SLC7A10: variants seen among roughly 807,000 people sequenced by gnomAD.
The protein encoded by SLC7A10 is asc-type amino acid transporter 1.
Under a neutral mutation model 52.7 loss-of-function variants are expected in SLC7A10, and 30 were observed. That is an observed-to-expected ratio of 0.57 (90% confidence interval 0.43 to 0.77). The LOEUF (loss-of-function observed/expected upper bound fraction) is 0.77, where lower values mean the gene tolerates loss of function less well. SLC7A10 is among the 30% of genes least tolerant of loss of function. The pLI is 0.00. For synonymous variants in SLC7A10, 318 were observed against 314.9 expected, an observed-to-expected ratio of 1.01 and a Z score of -0.10; for missense variants, 581 against 698.5, an observed-to-expected ratio of 0.83 and a Z score of 1.90.
In SLC7A10 at chr19:33,215,979, G is replaced by C; in HGVS notation, c.152-6C>G. ...GCCCGAGCCGATGATGTTCCCTGCA[G>C]GGGGAGAGATGGGGAGGCATCAGGC... On this transcript the variant is annotated splice_region_variant and splice_polypyrimidine_tract_variant and intron_variant, in intron 1 of 10. Coordinates refer to ENST00000253188, the MANE Select transcript of SLC7A10 (RefSeq NM_019849.3). 1 of 1,577,470 alleles carries C rather than the reference G, an allele frequency of 6.3e-7. No individual in the cohort carries two copies. Among genetic ancestry groups the C allele is most frequent in the East Asian group, 2.3e-5 (1 of 43,920 alleles).
chr19:33,210,715 G>A lies in SLC7A10; in HGVS notation c.1113+87C>T. ...CCACCCCCAACCCCCACCCTGGAAT[G>A]GCTCACCCCTGCCATTACCCGGAAG... is the stretch of plus-strand genomic sequence containing the variant. On this transcript the variant is annotated intron_variant, in intron 8 of 10. Coordinates refer to ENST00000253188, the MANE Select transcript of SLC7A10 (RefSeq NM_019849.3). This position sits in a 1 kb window ranked among gnomAD's most constrained non-coding sequence, Gnocchi z 5.6. 6.4e-7 allele frequency: 1 copy of A among 1,573,648 alleles called. No individual in the cohort carries two copies. The highest frequency in any genetic ancestry group is 8.7e-7 in the Non-Finnish European group (1 of 1,147,768).
intron 2 of SLC7A10, 61 bp downstream of exon 2, chr19:33,215,708 C>T: frequency 6.6e-7 from 1 of 1,512,318 alleles, no homozygotes. Flanking sequence ...GATGCCAGGG[C>T]TCATTTGGCC....
rs193292747 is a variant in SLC7A10, at chr19:33,225,317, G to A, written c.151+236C>T. ...GAGTCAGGAGGAAGAGTCCAGCGGT[G>A]GAGGGGACCCAAAACTCCCCCAGGT... On this transcript the variant is annotated intron_variant, in intron 1 of 10. Coordinates refer to ENST00000253188, the MANE Select transcript of SLC7A10 (RefSeq NM_019849.3). Among the ~76,000 whole-genome samples the A allele has an allele frequency of 4.6e-5, 7 of 152,358 alleles. No individual in the cohort carries two copies. The East Asian group carries it at 1.2e-3, about 25-fold the overall frequency.
intron 2 of SLC7A10, 91 bp from the exon 3 acceptor site, chr19:33,213,093 CCTGGCGCCCGGGGG>C: frequency 6.5e-7 from 1 of 1,531,070 alleles, no homozygotes; most frequent in Non-Finnish European, 8.8e-7. Context: ...CTGCCCTGGG[CCTGGCGCCCGGGGG>C]CTGGCGAGGC....
In SLC7A10 at chr19:33,208,777, C is replaced by A. The variant is rs749173791; in HGVS notation, c.*114G>T. On this transcript the variant is annotated 3_prime_UTR_variant, in exon 11 of 11. Coordinates refer to ENST00000253188, the MANE Select transcript of SLC7A10 (RefSeq NM_019849.3). This position sits in a 1 kb window ranked among gnomAD's most constrained non-coding sequence, Gnocchi z 4.7. Reference sequence around the variant, plus strand: ...CTTCCTTAAACAGGCTTCTGAGAGTCGTATCTTTTTTCTTTTTTTTCCAGA... The same window carrying A: ...CTTCCTTAAACAGGCTTCTGAGAGTAGTATCTTTTTTCTTTTTTTTCCAGA... 1 of 1,415,162 alleles carries A rather than the reference C, an allele frequency of 7.1e-7. No homozygotes were observed. Among genetic ancestry groups the A allele is most frequent in the South Asian group, 1.2e-5 (1 of 81,720 alleles). The allele number at this position is 1,415,162 out of a possible 1,614,324, so 87.7% of individuals were successfully genotyped here.
In SLC7A10 at chr19:33,209,016, T is replaced by C. The variant is rs772409168; in HGVS notation, c.1447A>G (p.Met483Val). Reference sequence around the variant, plus strand: ...CACAGCTCCTGGCCCCAGTGTGTCATGGACTCTGAGGACAGACAGATGGAC... The same window carrying C: ...CACAGCTCCTGGCCCCAGTGTGTCACGGACTCTGAGGACAGACAGATGGAC... ...PKCVHRLTES[M>V]THWGQELCFV... The change falls in exon 11 of 11, where the codon ATG (methionine) becomes GTG (valine). Residue 483 changes from methionine (M) to valine (V), a missense_variant. Physicochemically the swap from Met to Val is conservative, Grantham distance 21. Transcript: ENST00000253188. 5 of 1,613,658 alleles carry C rather than the reference T, an allele frequency of 3.1e-6. No individual in the cohort carries two copies. The highest frequency in any genetic ancestry group is 1.7e-4 in the Middle Eastern group (1 of 5,996).
intron 1 of SLC7A10, among the ~76,000 whole-genome samples, chr19:33,221,483 C>G (rs1004201101): frequency 6.6e-6 from 1 of 152,146 alleles, no homozygotes; most frequent in African/African-American, 2.4e-5. Flanking sequence ...TGGAGCACAC[C>G]GAGGGCATCT....
In SLC7A10 at chr19:33,210,813, G is replaced by C; in HGVS notation, c.1102C>G (p.Leu368Val). The C allele has an allele frequency of 6.2e-7, 1 of 1,613,556 alleles. No individual in the cohort carries two copies. ...HVRHCTPIPALLVCCGATAVI... is the reference protein window; with the variant it reads ...HVRHCTPIPAVLVCCGATAVI... ...GTCCCCCAACTTACACAGACGAGGA[G>C]GGCGGGGATGGGGGTGCAGTGTCTG... Residue 368 changes from leucine (L) to valine (V), a missense_variant, in exon 8 of 11, where the codon CTC (leucine) becomes GTC (valine). Transcript: ENST00000253188. This position sits in a 1 kb window ranked among gnomAD's most constrained non-coding sequence, Gnocchi z 5.6.
In SLC7A10 at chr19:33,212,859, G is replaced by A. The variant is rs1384148622; in HGVS notation, c.500C>T (p.Ala167Val). 2 of 1,613,862 alleles carry A rather than the reference G, an allele frequency of 1.2e-6. No homozygotes were observed. The highest frequency in any genetic ancestry group is 1.7e-6 in the Non-Finnish European group (2 of 1,179,944). ...PTTASRVLSM[A>V]CLMLLTWVNS... Reference sequence around the variant, plus strand: ...CCAAAGGGGATGCTTACTCAGGCAGGCCATGGACAGCACCCGGGAGGCTGT... The same window carrying A: ...CCAAAGGGGATGCTTACTCAGGCAGACCATGGACAGCACCCGGGAGGCTGT... Residue 167 changes from alanine (A) to valine (V), a missense_variant, in exon 3 of 11, where the codon GCC (alanine) becomes GTC (valine). Coordinates refer to ENST00000253188, the MANE Select transcript of SLC7A10 (RefSeq NM_019849.3).
rs115581846 is a variant in SLC7A10, at chr19:33,212,348, G to A, written c.732C>T (p.Ala244=). 1.2e-3 allele frequency: 1,884 copies of A among 1,613,756 alleles called. 17 individuals carry two copies. The African/African-American group carries it at 0.021, about 18-fold the overall frequency. The change falls in exon 5 of 11, where the codon GCC becomes GCT. Residue 244 remains alanine (A), a synonymous_variant. Transcript: ENST00000253188. ...AGTTGAGGAAGTTCCAGCCACTGAA[G>A]GCGAAGGAGCCCTGGAGGAAGGCCA... ...LALAFLQGSF[A]FSGWNFLNYV...
intron 2 of SLC7A10, among the ~76,000 whole-genome samples, chr19:33,214,130 C>T (rs987216319): frequency 2.6e-5 from 4 of 152,294 alleles, no homozygotes; most frequent in South Asian, 2.1e-4. Context: ...CCCTCCCGAA[C>T]GTCCTCTCCA....
At chr19:33,223,432 C>G (rs1285736832) in intron 1 of SLC7A10, among the ~76,000 whole-genome samples, 1 of 152,008 alleles carries the variant, frequency 6.6e-6, no homozygotes, top group Non-Finnish European at 1.5e-5. Context: ...ACCAGGCTCC[C>G]CAGGGTATTG....
chr19:33,214,313 G>C lies in SLC7A10; in HGVS notation c.357-1311C>G, dbSNP rs554601465. On this transcript the variant is annotated intron_variant, in intron 2 of 10. Transcript: ENST00000253188. ...CCCATATCCCTCAGAACCAAACTTT[G>C]TAAATTTCAGCCCAGACTTTTCCTC... Among the ~76,000 whole-genome samples, 8 of 152,126 alleles carry C rather than the reference G, an allele frequency of 5.3e-5. No homozygotes were observed. The South Asian group carries it at 1.7e-3, about 32-fold the overall frequency.
At chr19:33,218,690 T>TCTTTCTTTCTTTCTTTCTTTCTTTC (rs199544613) in intron 1 of SLC7A10, among the ~76,000 whole-genome samples, 9 of 90,426 alleles carry the variant, frequency 1.0e-4, no homozygotes, top group East Asian at 4.0e-4. Flanking sequence ...TCTTTTTTTT[T>TCTTTCTTTCTTTCTTTCTTTCTTTC]TTTTTTTAGT....
At chr19:33,223,205 G>A (rs1318081551) in intron 1 of SLC7A10, among the ~76,000 whole-genome samples, 1 of 151,850 alleles carries the variant, frequency 6.6e-6, no homozygotes, top group African/African-American at 2.4e-5. Context: ...CTACTTGGGA[G>A]GCTGACGCAG....
chr19:33,208,785 TTTTC>T lies in SLC7A10; in HGVS notation c.*102_*105del. The T allele has an allele frequency of 6.6e-7, 1 of 1,504,506 alleles. No individual in the cohort carries two copies. 93.2% of individuals were successfully genotyped at this position (1,504,506 alleles called of 1,614,324 possible). On this transcript the variant is annotated 3_prime_UTR_variant, in exon 11 of 11. Coordinates refer to ENST00000253188, the MANE Select transcript of SLC7A10 (RefSeq NM_019849.3). The surrounding 1 kb of genome is among the most constrained non-coding windows in gnomAD (Gnocchi z 4.7). ...AACAGGCTTCTGAGAGTCGTATCTT[TTTTC>T]TTTTTTTTCCAGAAAAAAACAAAAC...
chr19:33,209,289 C>T lies in SLC7A10; in HGVS notation c.1441+19G>A, dbSNP rs1974483992. The T allele has an allele frequency of 1.2e-6, 2 of 1,613,492 alleles. No homozygotes were observed. The highest frequency in any genetic ancestry group is 1.1e-5 in the South Asian group (1 of 91,048). On this transcript the variant is annotated intron_variant, in intron 10 of 10. Transcript: ENST00000253188. The stretch of plus-strand genomic sequence containing the variant: ...GCCCCGGCCCCCTGTGCTGGGTGAC[C>T]TGCAGCTGCCCGGCTCACCTGTGAG...
intron 1 of SLC7A10, among the ~76,000 whole-genome samples, chr19:33,216,457 C>T (rs1272861714): frequency 6.6e-6 from 1 of 152,232 alleles, no homozygotes; most frequent in African/African-American, 2.4e-5. Context: ...TGGCCCCTAA[C>T]ACAGGACTTC....
At chr19:33,209,986 G>C (rs1974506433) in intron 9 of SLC7A10, among the ~76,000 whole-genome samples, 1 of 150,940 alleles carries the variant, frequency 6.6e-6, no homozygotes, top group Non-Finnish European at 1.5e-5. Flanking sequence ...TGTCACCCAG[G>C]TTGGAGTACG....
Sources: allele counts gnomAD v4.1 joint callset (sites outside exome capture counted in the v4.1 genomes callset), GRCh38; gene constraint gnomAD v4.1.1; non-coding constraint Gnocchi (gnomAD v3.1); transcripts MANE v1.5; gene names NCBI Gene and HGNC (gene_info 2026-07-23, HGNC 2026-07-21).